Variants in KCNMB2 observed in about 807,000 individuals in gnomAD.
The protein encoded by KCNMB2 is potassium calcium-activated channel subfamily M regulatory beta subunit 2.
Under a neutral mutation model 24.5 loss-of-function variants are expected in KCNMB2, and 9 were observed. The ratio of observed to expected loss-of-function variants is 0.37; its 90% CI spans 0.22 to 0.64. The LOEUF is 0.64. Among genes scored for constraint, KCNMB2 ranks in the 30% least tolerant of loss-of-function variants. The pLI, the probability that KCNMB2 is intolerant of heterozygous loss-of-function variation, is 0.63. For synonymous variants in KCNMB2, 109 were observed against 104.4 expected, an observed-to-expected ratio of 1.04 and a Z score of -0.27; for missense variants, 226 against 284.3, an observed-to-expected ratio of 0.79 and a Z score of 1.47.
chr3:178,626,894 ATAGT>A (rs1292669274), intron 1 of KCNMB2, among the ~76,000 whole-genome samples: 1 of 148,788 alleles, frequency 6.7e-6, no homozygotes, highest in East Asian at 1.9e-4. Context: ...TTATATATAT[ATAGT>A]AAGTATATAT....
chr3:178,787,767 C>T (rs6790720), intron 1 of KCNMB2, among the ~76,000 whole-genome samples: 3,570 of 152,058 alleles, frequency 0.023, 153 homozygotes, highest in African/African-American at 0.081. Context: ...TTTGGTACTT[C>T]ATTTGCCTAG....
intron 1 of KCNMB2, among the ~76,000 whole-genome samples, chr3:178,793,745 A>C (rs546246483): frequency 1.3e-5 from 2 of 152,242 alleles, no homozygotes; most frequent in African/African-American, 4.8e-5. Flanking sequence ...TCAGGGATCC[A>C]AGCCAGCTAC....
At chr3:178,733,604 C>T (rs1723223385) in intron 1 of KCNMB2, among the ~76,000 whole-genome samples, 1 of 152,134 alleles carries the variant, frequency 6.6e-6, no homozygotes, top group Non-Finnish European at 1.5e-5. Context: ...CCTCAGCCTC[C>T]CTAGTAGCTG....
chr3:178,620,597 TA>T (rs1718874340), intron 1 of KCNMB2, among the ~76,000 whole-genome samples: 2 of 152,204 alleles, frequency 1.3e-5, no homozygotes, highest in Admixed American at 1.3e-4. Flanking sequence ...GAGGTCTCCT[TA>T]ATAAGAACAC....
intron 1 of KCNMB2, among the ~76,000 whole-genome samples, chr3:178,680,142 C>G (rs1488913323): frequency 1.3e-5 from 2 of 152,152 alleles, no homozygotes; most frequent in Non-Finnish European, 2.9e-5. Flanking sequence ...TCCCCACTTT[C>G]TTTTCTTCTT....
At chr3:178,596,091 T>C (rs1717861826) in intron 1 of KCNMB2, among the ~76,000 whole-genome samples, 1 of 152,034 alleles carries the variant, frequency 6.6e-6, no homozygotes, top group Admixed American at 6.6e-5. Flanking sequence ...CTTGCCACCT[T>C]TGATTTGAGA....
chr3:178,735,944 T>C (rs752899206), intron 1 of KCNMB2, among the ~76,000 whole-genome samples: 1 of 152,216 alleles, frequency 6.6e-6, no homozygotes, highest in African/African-American at 2.4e-5. Flanking sequence ...AATTCAACTA[T>C]GTCCAGTAAA....
chr3:178,608,852 G>A (rs1177110634), intron 1 of KCNMB2, among the ~76,000 whole-genome samples: 1 of 152,128 alleles, frequency 6.6e-6, no homozygotes, highest in East Asian at 1.9e-4. Context: ...GTACTCCATT[G>A]TGTACGTATA....
At chr3:178,767,276 G>A (rs1207616487) in intron 1 of KCNMB2, among the ~76,000 whole-genome samples, 1 of 152,174 alleles carries the variant, frequency 6.6e-6, no homozygotes, top group African/African-American at 2.4e-5. Flanking sequence ...ATGCAATGTT[G>A]AGTGAAACTA....
At chr3:178,817,386 A>T (rs9819394) in intron 2 of KCNMB2, among the ~76,000 whole-genome samples, 39,397 of 151,276 alleles carry the variant, frequency 0.26, 6,900 homozygotes, top group African/African-American at 0.5. Flanking sequence ...ATAAAATCTG[A>T]AACTAATTTA....
chr3:178,773,536 TA>T (rs1712461394), intron 1 of KCNMB2, among the ~76,000 whole-genome samples: 1 of 152,108 alleles, frequency 6.6e-6, no homozygotes, highest in South Asian at 2.1e-4. Context: ...ACATAATCAT[TA>T]CTGGAATGTA....
chr3:178,667,873 T>C (rs1720773347), intron 1 of KCNMB2, among the ~76,000 whole-genome samples: 1 of 152,136 alleles, frequency 6.6e-6, no homozygotes, highest in African/African-American at 2.4e-5. Flanking sequence ...TCAGGGTTTC[T>C]GGTTGGCCAA....
At chr3:178,826,172 C>G (rs1437314769) in intron 3 of KCNMB2, among the ~76,000 whole-genome samples, 1 of 152,136 alleles carries the variant, frequency 6.6e-6, no homozygotes, top group African/African-American at 2.4e-5. Flanking sequence ...CGTTCCCCAC[C>G]CTCCTCCCTT....
chr3:178,581,759 T>C (rs1041189982), intron 1 of KCNMB2, among the ~76,000 whole-genome samples: 1 of 151,802 alleles, frequency 6.6e-6, no homozygotes, highest in African/African-American at 2.4e-5. Context: ...AACAAACATA[T>C]GAAAAAAAGC....
intron 1 of KCNMB2, among the ~76,000 whole-genome samples, chr3:178,714,533 A>G (rs1025397664): frequency 2.6e-5 from 4 of 152,186 alleles, no homozygotes; most frequent in Non-Finnish European, 4.4e-5. Flanking sequence ...AAGGGAGAAG[A>G]GCATGTGTAA....
intron 1 of KCNMB2, among the ~76,000 whole-genome samples, chr3:178,669,853 A>C (rs1444589722): frequency 1.3e-5 from 2 of 152,062 alleles, no homozygotes. Context: ...GTACAGAAGC[A>C]GAGGGATCCC....
chr3:178,591,190 GA>G (rs143866835), intron 1 of KCNMB2, among the ~76,000 whole-genome samples: 2 of 151,666 alleles, frequency 1.3e-5, no homozygotes, highest in South Asian at 2.1e-4. Context: ...GACTCCAATG[GA>G]AAAAAAACCT....
intron 1 of KCNMB2, among the ~76,000 whole-genome samples, chr3:178,648,382 T>A (rs537649106): frequency 1.3e-5 from 2 of 152,130 alleles, no homozygotes; most frequent in Admixed American, 1.3e-4. Context: ...TACAAAAAAA[T>A]TAAAACATTA....
intron 1 of KCNMB2, among the ~76,000 whole-genome samples, chr3:178,781,947 C>T (rs1308795777): frequency 8.9e-6 from 1 of 112,262 alleles, no homozygotes; most frequent in Non-Finnish European, 1.8e-5. Context: ...CCCCTCCCCC[C>T]ACCCCACCAC....
Sources: gnomAD v4.1 joint callset for allele counts (sites outside exome capture counted in the v4.1 genomes callset) on GRCh38, gnomAD v4.1.1 for gene constraint, MANE v1.5 for transcripts, NCBI Gene and HGNC (gene_info 2026-07-23, HGNC 2026-07-21) for gene names.